Variants in XKR4 observed in about 807,000 individuals in gnomAD.
XKR4 encodes the protein XK related 4, also known as XK-related protein 4.
In XKR4, 12 loss-of-function variants were observed where a neutral mutation model predicts 53.9. The observed-to-expected ratio is 0.22, with a 90% CI of 0.14 to 0.36. XKR4 has a LOEUF of 0.36. Among genes scored for constraint, XKR4 ranks in the 10% least tolerant of loss-of-function variants. XKR4 has a pLI of 1.00. For missense variants in XKR4, 799 were observed against 859.5 expected (o/e 0.93, Z 0.88); for synonymous variants, 354 against 362.4 (o/e 0.98, Z 0.26).
chr8:55,523,308 C>G lies in XKR4; in HGVS notation c.1034C>G (p.Ser345Cys). ...QGFTAAASLV[S>C]LAWALASYQK... ...TTCACAGCGGCAGCTTCCCTCGTGT[C>G]CCTGGCCTGGGCCTTGGCCTCCTAC... Residue 345 changes from serine to cysteine, a missense_variant, in exon 3 of 3, where the codon TCC (serine) becomes TGC (cysteine). Physicochemically the swap from Ser to Cys is moderately radical, Grantham distance 112. Coordinates refer to ENST00000327381, the MANE Select transcript of XKR4 (RefSeq NM_052898.2). 2 of 1,611,384 alleles carry G rather than the reference C, an allele frequency of 1.2e-6. No individual in the cohort carries two copies. The highest frequency in any genetic ancestry group is 1.7e-6 in the Non-Finnish European group (2 of 1,178,478).
Position 55,533,946 on chromosome 8 carries a change from TG to T in XKR4, c.*9720del, listed in dbSNP as rs1203389071. On this transcript the variant is annotated 3_prime_UTR_variant, in exon 3 of 3. Coordinates refer to ENST00000327381, the MANE Select transcript of XKR4 (RefSeq NM_052898.2). ...TTCATTTGTTTTTTCCAGTAAACGCTGTTTTGAAAAAAAAGAAAAATATTCC... is the reference window on the plus strand; with the variant it reads ...TTCATTTGTTTTTTCCAGTAAACGCTTTTTGAAAAAAAAGAAAAATATTCC... The T allele has an allele frequency of 2.6e-5, 4 of 152,168 alleles. No individual in the cohort carries two copies. The highest frequency in any genetic ancestry group is 9.7e-5 in the African/African-American group (4 of 41,444). The allele number at this position is 152,168 out of a possible 1,614,324, so 9.4% of individuals were successfully genotyped here. A position where few individuals can be genotyped will look rare whatever the true frequency, so the allele number is the denominator to read the frequency against.
chr8:55,302,398 G>A (rs1819214816), intron 1 of XKR4, among the ~76,000 whole-genome samples: 2 of 151,918 alleles, frequency 1.3e-5, no homozygotes, highest in Admixed American at 6.6e-5. Flanking sequence ...GGTTACTGTA[G>A]CCTTGTAGTA....
chr8:55,437,139 A>G (rs1430508684), intron 2 of XKR4, among the ~76,000 whole-genome samples: 2 of 152,000 alleles, frequency 1.3e-5, no homozygotes, highest in African/African-American at 4.8e-5. Flanking sequence ...TCATATCCAA[A>G]CTGAATCAAG....
chr8:55,124,935 C>G (rs1014544972), intron 1 of XKR4, among the ~76,000 whole-genome samples: 5 of 152,134 alleles, frequency 3.3e-5, no homozygotes, highest in African/African-American at 1.2e-4. Context: ...ATTAGTCTAT[C>G]CATGCTTGAA....
At chr8:55,399,913 C>T (rs1804574612) in intron 2 of XKR4, among the ~76,000 whole-genome samples, 1 of 152,174 alleles carries the variant, frequency 6.6e-6, no homozygotes, top group Non-Finnish European at 1.5e-5. Flanking sequence ...CTCGCTCACA[C>T]CTTGGAAGGG....
intron 2 of XKR4, among the ~76,000 whole-genome samples, chr8:55,501,768 T>C (rs1049782138): frequency 2.0e-5 from 3 of 152,158 alleles, no homozygotes; most frequent in Admixed American, 1.3e-4. Context: ...TTGGCTATTG[T>C]GAGTAATGCT....
Position 55,260,594 on chromosome 8 carries a change from G to A in XKR4, c.807-97084G>A, listed in dbSNP as rs544345839. On this transcript the variant is annotated intron_variant, in intron 1 of 2. Transcript: ENST00000327381. ...GAATAGCTCACTCTCTTGTGAGAGA[G>A]AGGGGCCTGCAAGTGGGTCTTCCAG... Among the ~76,000 whole-genome samples, 24 of 152,316 alleles carry A rather than the reference G, an allele frequency of 1.6e-4. No individual in the cohort carries two copies. The South Asian group carries it at 4.8e-3, about 30-fold the overall frequency.
At chr8:55,340,061 C>A (rs886404793) in intron 1 of XKR4, among the ~76,000 whole-genome samples, 2 of 152,162 alleles carry the variant, frequency 1.3e-5, no homozygotes, top group Admixed American at 1.3e-4. Context: ...AATACGTGTA[C>A]ATGCCCATTC....
chr8:55,187,305 CAAAAA>C lies in XKR4; in HGVS notation c.806+84027_806+84031del, dbSNP rs1168014848. ...GTGGGAAAATCTCTGTTTCCAGGAC[CAAAAA>C]AAAAAAAAAAAAAAAGAAGAAGAAT... On this transcript the variant is annotated intron_variant, in intron 1 of 2. Transcript: ENST00000327381. Among the ~76,000 whole-genome samples, 286 of 95,842 alleles carry C rather than the reference CAAAAA, an allele frequency of 3.0e-3. 1 individual carries two copies. Among genetic ancestry groups the C allele is most frequent in the African/African-American group, 0.011 (266 of 25,312 alleles). The allele number at this position is 95,842 out of a possible 152,430, so 62.9% of individuals were successfully genotyped here.
chr8:55,443,725 C>T (rs1036547398), intron 2 of XKR4, among the ~76,000 whole-genome samples: 1 of 150,744 alleles, frequency 6.6e-6, no homozygotes, highest in Non-Finnish European at 1.5e-5. Context: ...CCTGTAGTCC[C>T]AGCTACTCGG....
chr8:55,512,463 T>C (rs1356350556), intron 2 of XKR4, among the ~76,000 whole-genome samples: 25 of 152,216 alleles, frequency 1.6e-4, no homozygotes, highest in Non-Finnish European at 4.4e-5. Context: ...CTTTGGCCTG[T>C]GCCCATCTCT....
intron 2 of XKR4, among the ~76,000 whole-genome samples, chr8:55,443,839 C>CAAAAAAAAAA (rs1159375100): frequency 4.6e-5 from 1 of 21,668 alleles, no homozygotes; most frequent in Non-Finnish European, 8.2e-5. Context: ...AACTCCGTCT[C>CAAAAAAAAAA]AAAAAAAAAA....
intron 1 of XKR4, among the ~76,000 whole-genome samples, chr8:55,189,252 G>A (rs181704512): frequency 1.1e-3 from 165 of 152,284 alleles, no homozygotes; most frequent in Non-Finnish European, 1.6e-3. Flanking sequence ...GAAAAAGGTA[G>A]AACTTTGCCT....
intron 2 of XKR4, among the ~76,000 whole-genome samples, chr8:55,482,555 A>C (rs1585599347): frequency 7.6e-6 from 1 of 131,144 alleles, no homozygotes; most frequent in East Asian, 1.9e-4. Context: ...ATAATGATAA[A>C]ATTAAAAATA....
At chr8:55,326,415 T>C (rs1303589577) in intron 1 of XKR4, among the ~76,000 whole-genome samples, 1 of 151,890 alleles carries the variant, frequency 6.6e-6, no homozygotes, top group Non-Finnish European at 1.5e-5. Flanking sequence ...AAATTAAGTC[T>C]CTCTGGTTTG....
chr8:55,237,249 C>T (rs1818139534), intron 1 of XKR4, among the ~76,000 whole-genome samples: 2 of 152,134 alleles, frequency 1.3e-5, no homozygotes, highest in Admixed American at 1.3e-4. Context: ...GGGCATCAAC[C>T]CCCCACAAAG....
At chr8:55,421,677 G>A (rs1804935080) in intron 2 of XKR4, among the ~76,000 whole-genome samples, 1 of 152,192 alleles carries the variant, frequency 6.6e-6, no homozygotes, top group African/African-American at 2.4e-5. Flanking sequence ...CTACACGCCT[G>A]GGTTTTAGAC....
chr8:55,335,368 G>A (rs988202274), intron 1 of XKR4, among the ~76,000 whole-genome samples: 22 of 152,062 alleles, frequency 1.4e-4, no homozygotes, highest in Admixed American at 6.5e-5. Flanking sequence ...AAATCTTTAT[G>A]TGAATTAGAC....
chr8:55,147,490 T>A (rs1816786264), intron 1 of XKR4, among the ~76,000 whole-genome samples: 1 of 152,300 alleles, frequency 6.6e-6, no homozygotes, highest in East Asian at 1.9e-4. Context: ...AAGCACAAAC[T>A]ATTTTGTGCT....
Sources: allele counts gnomAD v4.1 joint callset (sites outside exome capture counted in the v4.1 genomes callset), GRCh38; gene constraint gnomAD v4.1.1; transcripts MANE v1.5; gene names NCBI Gene and HGNC (gene_info 2026-07-23, HGNC 2026-07-21).